The following LPA variants were observed in gnomAD, a reference collection of about 807,000 sequenced individuals.
LPA encodes lipoprotein(a).
A neutral mutation model predicts 197.9 loss-of-function variants in LPA; 199 were observed. The ratio of observed to expected loss-of-function variants is 1.01; its 90% confidence interval spans 0.90 to 1.13. The LOEUF (loss-of-function observed/expected upper bound fraction) is 1.13, where lower values mean the gene tolerates loss of function less well. Among genes scored for constraint, LPA ranks in the 50% most tolerant of loss-of-function variants. LPA has a pLI of 0.00. For missense variants in LPA, 1,853 were observed against 1,785.8 expected (o/e 1.04, Z -0.68); for synonymous variants, 715 against 639.5 (o/e 1.12, Z -1.78).
chr6:160,576,353 TATATATATATATAC>T (rs1177616891), intron 28 of LPA, among the ~76,000 whole-genome samples: 54 of 38,776 alleles, frequency 1.4e-3, no homozygotes, highest in African/African-American at 7.9e-3. Context: ...TATATATATA[TATATATATATATAC>T]ATATATATAT....
rs149578215 is a variant in LPA at position 160,584,538 on chromosome 6, G to A, written c.4289+508C>T. Among the ~76,000 whole-genome samples the A allele has an allele frequency of 5.3e-3, 809 of 151,870 alleles. 14 individuals carry two copies. The highest frequency in any genetic ancestry group is 0.019 in the African/African-American group (793 of 41,418). ...GTAGAGATGGGGTTTTGCCATGTTA[G>A]CCAGGCTGGTCTTGAACTCCTGACC... On this transcript the variant is annotated intron_variant, in intron 26 of 38. Coordinates refer to ENST00000316300, the MANE Select transcript of LPA (RefSeq NM_005577.4).
chr6:160,531,897 A>T lies in LPA; in HGVS notation c.5962-7T>A, dbSNP rs1270212690. ...GAGGCCCTCCACTGTCACCCTAAAC[A>T]GAGGTAGGGGAAAATTCATGTGAGC... On this transcript the variant is annotated splice_polypyrimidine_tract_variant and splice_region_variant and intron_variant, in intron 38 of 38. Transcript: ENST00000316300. 3 of 1,613,920 alleles carry T rather than the reference A, an allele frequency of 1.9e-6. No homozygotes were observed. The highest frequency in any genetic ancestry group is 2.5e-6 in the Non-Finnish European group (3 of 1,179,870).
At chr6:160,635,080 C>T (rs9365196) in intron 7 of LPA, 43 bp downstream of exon 7, 256,308 of 1,009,784 alleles carry the variant, frequency 0.25, 52,433 homozygotes, top group East Asian at 0.31. Flanking sequence ...GGCTTTTCAT[C>T]CCAGCATCGA....
At chr6:160,566,665 C>A (rs188550864) in intron 28 of LPA, among the ~76,000 whole-genome samples, 1 of 152,122 alleles carries the variant, frequency 6.6e-6, no homozygotes, top group African/African-American at 2.4e-5. Flanking sequence ...TGTAAATGGG[C>A]TAAATGCTCC....
intron 18 of LPA, among the ~76,000 whole-genome samples, chr6:160,604,745 T>C (rs1476513475): frequency 6.6e-6 from 1 of 152,136 alleles, no homozygotes; most frequent in Non-Finnish European, 1.5e-5. Flanking sequence ...CATTGAACCT[T>C]AGTGGGTGTT....
intron 23 of LPA, among the ~76,000 whole-genome samples, chr6:160,590,656 C>G (rs1026024791): frequency 1.9e-4 from 29 of 152,130 alleles, no homozygotes; most frequent in African/African-American, 6.0e-4. Flanking sequence ...GTTAGAATAT[C>G]CATTTTCACT....
intron 26 of LPA, among the ~76,000 whole-genome samples, chr6:160,583,124 A>G (rs1000857420): frequency 9.9e-5 from 15 of 152,082 alleles, no homozygotes; most frequent in Admixed American, 2.0e-4. Flanking sequence ...ATTATGATAC[A>G]TACATTTTAA....
intron 34 of LPA, 128 bp from the exon 35 acceptor site, chr6:160,541,309 G>A (rs922333821): frequency 1.3e-5 from 10 of 743,322 alleles, no homozygotes; most frequent in Admixed American, 4.0e-5. Context: ...AAGGACTACC[G>A]CCCAACGTCA....
At chr6:160,647,465 G>T (rs1024777995) in intron 2 of LPA, among the ~76,000 whole-genome samples, 4 of 152,142 alleles carry the variant, frequency 2.6e-5, no homozygotes, top group African/African-American at 9.7e-5. Flanking sequence ...CTACACATGT[G>T]GCCTAGTCTC....
chr6:160,570,253 A>T (rs1314188139), intron 28 of LPA, among the ~76,000 whole-genome samples: 1 of 152,252 alleles, frequency 6.6e-6, no homozygotes, highest in African/African-American at 2.4e-5. Context: ...CATCAATGGT[A>T]GACTGGATTA....
At chr6:160,572,771 C>T (rs933167473) in intron 28 of LPA, among the ~76,000 whole-genome samples, 1 of 152,188 alleles carries the variant, frequency 6.6e-6, no homozygotes, top group African/African-American at 2.4e-5. Context: ...TGCTGAAAAA[C>T]TGGCTGTTAA....
intron 30 of LPA, 36 bp downstream of exon 30, chr6:160,555,989 C>G (rs1778256277): frequency 6.7e-7 from 1 of 1,484,888 alleles, no homozygotes; most frequent in Non-Finnish European, 9.4e-7. Flanking sequence ...CTTAAGTTGG[C>G]TGTTGCTCCT....
At chr6:160,563,594 A>G (rs1778398739) in intron 28 of LPA, among the ~76,000 whole-genome samples, 2 of 152,246 alleles carry the variant, frequency 1.3e-5, no homozygotes, top group African/African-American at 4.8e-5. Flanking sequence ...AGCTTGGTCC[A>G]GAGCTGAATT....
At chr6:160,576,390 GTATA>G (rs140486548) in intron 28 of LPA, among the ~76,000 whole-genome samples, 2,561 of 44,858 alleles carry the variant, frequency 0.057, 57 homozygotes, top group African/African-American at 0.091. Flanking sequence ...ATATATATAT[GTATA>G]TATATATATA....
Position 160,605,253 on chromosome 6 carries a change from C to A in LPA, c.2786-48G>T, listed in dbSNP as rs368491135. 60 of 1,606,314 alleles carry A rather than the reference C, an allele frequency of 3.7e-5. No homozygotes were observed. The African/African-American group carries it at 7.6e-4, about 20-fold the overall frequency. On this transcript the variant is annotated intron_variant, in intron 17 of 38. Transcript: ENST00000316300. ...CAAACTGAGTGTTTCCAAGAAGAGACAAACATGTGAAGCCACTTATGGCAC... is the reference window on the plus strand; with the variant it reads ...CAAACTGAGTGTTTCCAAGAAGAGAAAAACATGTGAAGCCACTTATGGCAC...
intron 20 of LPA, among the ~76,000 whole-genome samples, chr6:160,598,942 C>G (rs1337500883): frequency 6.6e-6 from 1 of 152,182 alleles, no homozygotes; most frequent in African/African-American, 2.4e-5. Context: ...GAAGGATACT[C>G]TAACTCTTTG....
chr6:160,596,687 G>A (rs1424902379), intron 20 of LPA, among the ~76,000 whole-genome samples: 1 of 152,118 alleles, frequency 6.6e-6, no homozygotes, highest in Non-Finnish European at 1.5e-5. Context: ...TACTTTTCAC[G>A]TAGCAAAGTC....
intron 28 of LPA, among the ~76,000 whole-genome samples, chr6:160,564,493 C>T (rs548229276): frequency 2.2e-4 from 34 of 152,256 alleles, no homozygotes; most frequent in South Asian, 1.0e-3. Flanking sequence ...AGCCTGCAGA[C>T]GGCCTATTGT....
intron 28 of LPA, among the ~76,000 whole-genome samples, chr6:160,573,276 C>T (rs1279349706): frequency 6.6e-6 from 1 of 151,876 alleles, no homozygotes; most frequent in East Asian, 1.9e-4. Flanking sequence ...CCAAAGTCTA[C>T]TGAATTTTTT....
Sources: gnomAD v4.1 joint callset for allele counts (sites outside exome capture counted in the v4.1 genomes callset) on GRCh38, gnomAD v4.1.1 for gene constraint, MANE v1.5 for transcripts, NCBI Gene and HGNC (gene_info 2026-07-23, HGNC 2026-07-21) for gene names.